The following PDE3A variants were observed in gnomAD, a reference collection of about 807,000 sequenced individuals.
PDE3A encodes the protein cGMP-inhibited 3',5'-cyclic phosphodiesterase 3A.
In PDE3A, 43 loss-of-function variants were observed where a neutral mutation model predicts 98.3. That is an observed-to-expected ratio of 0.44 (90% CI 0.34 to 0.56). The LOEUF is 0.56. Ranked by LOEUF, PDE3A falls within the 20% of genes least tolerant of loss-of-function variation. The pLI, the probability that PDE3A is intolerant of heterozygous loss-of-function variation, is 0.01. For missense variants in PDE3A, 1,427 were observed against 1,440.7 expected (o/e 0.99, Z 0.15); for synonymous variants, 663 against 567.9 (o/e 1.17, Z -2.38).
intron 1 of PDE3A, among the ~76,000 whole-genome samples, chr12:20,384,860 C>T (rs1943723135): frequency 6.6e-6 from 1 of 152,110 alleles, no homozygotes; most frequent in African/African-American, 2.4e-5. Flanking sequence ...AGGAGACGAC[C>T]TCATTCCTCT....
At chr12:20,568,127 G>A (rs1294118708) in intron 2 of PDE3A, among the ~76,000 whole-genome samples, 3 of 151,868 alleles carry the variant, frequency 2.0e-5, no homozygotes, top group Non-Finnish European at 4.4e-5. Flanking sequence ...TAGAGATATT[G>A]CATTAGAATT....
At chr12:20,619,530 G>C (rs1944085282) in intron 4 of PDE3A, among the ~76,000 whole-genome samples, 1 of 151,978 alleles carries the variant, frequency 6.6e-6, no homozygotes, top group Non-Finnish European at 1.5e-5. Flanking sequence ...TTTCTTCACA[G>C]TAATCAGTTA....
At chr12:20,370,385 G>T in intron 1 of PDE3A, 141 bp downstream of exon 1, 2 of 530,906 alleles carry the variant, frequency 3.8e-6, no homozygotes, top group Non-Finnish European at 2.9e-6. Flanking sequence ...TAAGAAACTA[G>T]CAGGTTTTTT....
chr12:20,386,174 AAT>A (rs1943791599), intron 1 of PDE3A, among the ~76,000 whole-genome samples: 4 of 75,274 alleles, frequency 5.3e-5, no homozygotes, highest in East Asian at 3.1e-4. Flanking sequence ...AATATATAAA[AAT>A]ATATATAAAT....
intron 1 of PDE3A, among the ~76,000 whole-genome samples, chr12:20,432,168 C>G (rs1944709099): frequency 6.6e-6 from 1 of 152,018 alleles, no homozygotes; most frequent in African/African-American, 2.4e-5. Context: ...CTCTGATTTC[C>G]CAGTTTACCA....
At chr12:20,423,220 C>T (rs1226912619) in intron 1 of PDE3A, among the ~76,000 whole-genome samples, 2 of 152,114 alleles carry the variant, frequency 1.3e-5, no homozygotes, top group African/African-American at 4.8e-5. Flanking sequence ...CCCAATAAAT[C>T]CTTGTGTTTT....
chr12:20,663,212 G>C (rs536329670), intron 15 of PDE3A, among the ~76,000 whole-genome samples: 2 of 152,332 alleles, frequency 1.3e-5, no homozygotes, highest in African/African-American at 4.8e-5. Flanking sequence ...TGGATGTCCT[G>C]GCAGAAGTTT....
intron 1 of PDE3A, among the ~76,000 whole-genome samples, chr12:20,492,076 G>GT (rs1323795731): frequency 6.6e-6 from 1 of 152,012 alleles, no homozygotes; most frequent in African/African-American, 2.4e-5. Flanking sequence ...CATCTCCCAC[G>GT]TTGAAGCTAT....
intron 1 of PDE3A, among the ~76,000 whole-genome samples, chr12:20,531,528 C>G (rs1008779069): frequency 3.3e-5 from 5 of 152,036 alleles, no homozygotes; most frequent in Non-Finnish European, 7.4e-5. Context: ...AAAATCCTTA[C>G]TAGATGGGTA....
intron 2 of PDE3A, among the ~76,000 whole-genome samples, chr12:20,569,190 T>C (rs1565591879): frequency 6.6e-6 from 1 of 152,072 alleles, no homozygotes; most frequent in African/African-American, 2.4e-5. Context: ...TTTAAAGTCT[T>C]TTTGAAATCA....
chr12:20,655,012 A>G (rs1945011516), intron 15 of PDE3A, among the ~76,000 whole-genome samples: 2 of 152,106 alleles, frequency 1.3e-5, no homozygotes, highest in Admixed American at 1.3e-4. Flanking sequence ...AGTTGTGGGG[A>G]AAAAAAGACA....
intron 1 of PDE3A, among the ~76,000 whole-genome samples, chr12:20,480,338 G>A (rs1410164374): frequency 6.6e-6 from 1 of 152,072 alleles, no homozygotes; most frequent in Non-Finnish European, 1.5e-5. Context: ...TATGTAGCAG[G>A]GGCCCTCTGC....
At chr12:20,463,800 C>T (rs989315421) in intron 1 of PDE3A, among the ~76,000 whole-genome samples, 1 of 152,112 alleles carries the variant, frequency 6.6e-6, no homozygotes, top group African/African-American at 2.4e-5. Context: ...TACTTAATCC[C>T]ACTTCCCAGG....
intron 1 of PDE3A, among the ~76,000 whole-genome samples, chr12:20,429,996 A>G (rs1023768684): frequency 2.0e-5 from 3 of 152,204 alleles, no homozygotes; most frequent in Non-Finnish European, 4.4e-5. Context: ...TGTTTTCAAA[A>G]TAACCTTCCT....
intron 1 of PDE3A, among the ~76,000 whole-genome samples, chr12:20,538,266 G>A (rs1021896097): frequency 2.0e-5 from 3 of 152,042 alleles, no homozygotes; most frequent in Non-Finnish European, 4.4e-5. Context: ...AGGATGTTGG[G>A]GTGGAGGGAA....
At position 20,627,160 on chromosome 12, in the gene PDE3A, A is replaced by AC. The variant is rs1192719918; in HGVS notation, c.1541-2748_1541-2747insC. Among the ~76,000 whole-genome samples the AC allele has an allele frequency of 6.0e-5, 9 of 151,188 alleles. No individual in the cohort carries two copies. In the South Asian group the frequency reaches 1.7e-3, roughly 28 times the overall value. ...ATTGTTCTGTTAAAAAAAAAAAAAAAAAAACTGTGTAGAAAACTGTCCCAA... is the reference window on the plus strand; with the variant it reads ...ATTGTTCTGTTAAAAAAAAAAAAAAACAAAACTGTGTAGAAAACTGTCCCAA... On this transcript the variant is annotated intron_variant, in intron 5 of 15. Coordinates refer to ENST00000359062, the MANE Select transcript of PDE3A (RefSeq NM_000921.5).
intron 12 of PDE3A, 100 bp from the exon 13 acceptor site, chr12:20,648,588 T>C: frequency 4.0e-6 from 3 of 757,666 alleles, no homozygotes; most frequent in Non-Finnish European, 7.1e-6. Context: ...CATTTCTTTG[T>C]TGTATGAATA....
intron 2 of PDE3A, chr12:20,556,970 CT>C: frequency 2.2e-6 from 1 of 447,054 alleles, no homozygotes; most frequent in Non-Finnish European, 4.0e-6. Flanking sequence ...TTCATCTTGT[CT>C]CGGCAGAATA....
intron 1 of PDE3A, among the ~76,000 whole-genome samples, chr12:20,508,837 G>T (rs1946165589): frequency 1.3e-5 from 2 of 151,152 alleles, no homozygotes; most frequent in African/African-American, 2.4e-5. Flanking sequence ...TGGGTTTCTG[G>T]GTTTTTGATT....
Sources: gnomAD v4.1 joint callset for allele counts (sites outside exome capture counted in the v4.1 genomes callset) on GRCh38, gnomAD v4.1.1 for gene constraint, MANE v1.5 for transcripts, NCBI Gene and HGNC (gene_info 2026-07-23, HGNC 2026-07-21) for gene names.